The following MROH2A variants were observed in gnomAD, a reference collection of about 807,000 sequenced individuals.
MROH2A encodes the protein maestro heat like repeat family member 2A.
A neutral mutation model predicts 200.4 loss-of-function variants in MROH2A; 174 were observed. That is an observed-to-expected ratio of 0.87 (90% CI 0.77 to 0.98). The LOEUF (loss-of-function observed/expected upper bound fraction) is 0.98. Ranked by LOEUF, MROH2A falls within the 50% of genes least tolerant of loss-of-function variation. MROH2A has a pLI of 0.00. For synonymous variants in MROH2A, 829 were observed against 840.4 expected (o/e 0.99, Z 0.23); for missense variants, 2,045 against 2,139.6 (o/e 0.96, Z 0.87).
intron 39 of MROH2A, among the ~76,000 whole-genome samples, chr2:233,831,862 T>A (rs952343355): frequency 3.9e-5 from 6 of 152,258 alleles, no homozygotes; most frequent in Non-Finnish European, 5.9e-5. Context: ...TATTTTACAA[T>A]TTTTGGGGTA....
intron 21 of MROH2A, among the ~76,000 whole-genome samples, chr2:233,808,706 G>A (rs1361103425): frequency 1.1e-4 from 16 of 152,214 alleles, no homozygotes; most frequent in African/African-American, 3.6e-4. Flanking sequence ...TGTGAGCACC[G>A]TGAGGGCAAA....
At position 233,803,466 on chromosome 2, in the gene MROH2A, A is replaced by C. The variant is rs1399461980; in HGVS notation, c.1727A>C (p.Gln576Pro). The change falls in exon 16 of 42, where the codon CAG becomes CCG. Residue 576 changes from glutamine to proline, a missense_variant. Physicochemically the swap from Gln to Pro is moderately conservative, Grantham distance 76 (BLOSUM62 -1). Around this residue, in one of 3 missense-constraint regions of MROH2A, gnomAD observed 831 missense variants for 800.0 expected, o/e 1.04. Coordinates refer to ENST00000389758, the MANE Select transcript of MROH2A (RefSeq NM_001394639.1). ...CAATCAGTGGACCTGCCTGCACCTC[A>C]GAAGCTGCTGGCCCGTCTCCTGGTG... ...KSRQVDLPAP[Q>P]KLLARLLVLM... The C allele has an allele frequency of 1.3e-6, 2 of 1,550,516 alleles. No individual in the cohort carries two copies. The highest frequency in any genetic ancestry group is 2.7e-5 in the African/African-American group (2 of 73,160).
intron 14 of MROH2A, 66 bp from the exon 15 acceptor site, chr2:233,802,102 T>A: frequency 2.0e-6 from 3 of 1,473,830 alleles, no homozygotes; most frequent in Non-Finnish European, 2.7e-6. Context: ...AGAGCCTGAC[T>A]GTTCTCCTTA....
intron 35 of MROH2A, among the ~76,000 whole-genome samples, chr2:233,824,583 G>T (rs1287063426): frequency 6.6e-6 from 1 of 152,218 alleles, no homozygotes; most frequent in African/African-American, 2.4e-5. Flanking sequence ...GCTGGAATCC[G>T]AGGGCCTGGT....
In MROH2A at chr2:233,832,647, G is replaced by C. The variant is rs1406080089; in HGVS notation, c.4903+3G>C. The C allele has an allele frequency of 1.9e-6, 3 of 1,542,870 alleles. No homozygotes were observed. The South Asian group carries it at 3.6e-5, about 18-fold the overall frequency. The stretch of plus-strand genomic sequence containing the variant: ...GGACTTCCCAGCATTACGGAATTGT[G>C]AGTAGTGGAGAGTGTTAGATGTTGA... On this transcript the variant is annotated splice_donor_region_variant and intron_variant, in intron 41 of 41. Coordinates refer to ENST00000389758, the MANE Select transcript of MROH2A (RefSeq NM_001394639.1).
At chr2:233,792,961 G>A in intron 6 of MROH2A, 67 bp downstream of exon 6, 1 of 1,429,084 alleles carries the variant, frequency 7.0e-7, no homozygotes, top group South Asian at 1.2e-5. Context: ...TGCTGGGTAA[G>A]GAGCAGATGG....
intron 16 of MROH2A, among the ~76,000 whole-genome samples, chr2:233,803,723 T>C (rs1168553489): frequency 6.6e-6 from 1 of 152,172 alleles, no homozygotes; most frequent in East Asian, 1.9e-4. Context: ...TTTAGATTCC[T>C]CTGCCCAAAG....
intron 34 of MROH2A, 107 bp downstream of exon 34, chr2:233,823,125 C>A: frequency 8.1e-7 from 1 of 1,241,174 alleles, no homozygotes. Flanking sequence ...TGAAGGCCTT[C>A]TTTCTGGGGG....
rs1441530044 is a variant in MROH2A, at chr2:233,804,141, A to T, written c.1840A>T (p.Met614Leu). Residue 614 changes from methionine to leucine, a missense_variant, in exon 17 of 42, where the codon ATG becomes TTG. Met to Leu is a conservative substitution (Grantham distance 15, BLOSUM62 2). Coordinates refer to ENST00000389758, the MANE Select transcript of MROH2A (RefSeq NM_001394639.1). ...RTLSQSIAPS[M>L]ADMWELEIAL... is the part of the protein sequence containing the mutation. ...CCTGAGCCAGAGCATCGCACCCTCC[A>T]TGGCCGACATGTGGGAGCTGGAGAT... The T allele has an allele frequency of 6.4e-7, 1 of 1,550,436 alleles. No individual in the cohort carries two copies. Among genetic ancestry groups the T allele is most frequent in the African/African-American group, 1.4e-5 (1 of 73,012 alleles).
Position 233,796,214 on chromosome 2 carries a change from A to G in MROH2A, c.1153A>G (p.Lys385Glu). 2 of 1,549,922 alleles carry G rather than the reference A, an allele frequency of 1.3e-6. No homozygotes were observed. Residue 385 changes from lysine to glutamate, a missense_variant, in exon 11 of 42, where the codon AAG (lysine) becomes GAG (glutamate). Around this residue, in one of 3 missense-constraint regions of MROH2A, gnomAD observed 831 missense variants for 800.0 expected, o/e 1.04. Coordinates refer to ENST00000389758, the MANE Select transcript of MROH2A (RefSeq NM_001394639.1). ...CFVALARSYP[K>E]ELMKFFFSQM... The stretch of plus-strand genomic sequence containing the variant: ...CCACCCTGCAGCTCGCTCCTACCCC[A>G]AGGAGCTGATGAAGTTCTTCTTCAG...
At chr2:233,797,550 G>A (rs1032932321) in intron 11 of MROH2A, among the ~76,000 whole-genome samples, 2 of 152,084 alleles carry the variant, frequency 1.3e-5, no homozygotes, top group Non-Finnish European at 2.9e-5. Flanking sequence ...TACAACGTGG[G>A]GCAGTATTTA....
rs912154606 is a variant in MROH2A at position 233,814,585 on chromosome 2, C to T, written c.2764C>T (p.Leu922=). 1 of 1,549,994 alleles carries T rather than the reference C, an allele frequency of 6.5e-7. No homozygotes were observed. The highest frequency in any genetic ancestry group is 2.0e-5 in the Admixed American group (1 of 50,964). The change falls in exon 26 of 42, where the codon CTG becomes TTG. Residue 922 remains leucine (L), a synonymous_variant. Transcript: ENST00000389758. ...PGEDNESIKT[L]YANALSSLEQ... ...TCTCTCTCCCTCTTGGCTGTAGACCCTGTATGCAAATGCCCTGAGCTCCCT... is the reference window on the plus strand; with the variant it reads ...TCTCTCTCCCTCTTGGCTGTAGACCTTGTATGCAAATGCCCTGAGCTCCCT...
chr2:233,790,136 C>T (rs1179124636), intron 5 of MROH2A, 122 bp downstream of exon 5: 1 of 1,002,966 alleles, frequency 1.0e-6, no homozygotes, highest in Admixed American at 3.0e-5. Flanking sequence ...CTCTTTTTCC[C>T]TCTAAAATTG....
chr2:233,815,134 G>A (rs192398214), intron 26 of MROH2A, among the ~76,000 whole-genome samples: 1 of 152,302 alleles, frequency 6.6e-6, no homozygotes, highest in East Asian at 1.9e-4. Context: ...ATCCAGATTA[G>A]GCAGTGCATC....
At position 233,788,155 on chromosome 2, in the gene MROH2A, T is replaced by A. The variant is rs185686808; in HGVS notation, c.277-1342T>A. 8.1e-3 allele frequency among the ~76,000 whole-genome samples: 673 copies of A among 82,860 alleles called. 37 individuals carry two copies. The highest frequency in any genetic ancestry group is 0.029 in the African/African-American group (566 of 19,724). 54.4% of individuals were successfully genotyped at this position (82,860 alleles called of 152,430 possible). Reference sequence around the variant, plus strand: ...ATTTTATATATATATAATATATATTTTATATATACATATACATATATTATA... The same window carrying A: ...ATTTTATATATATATAATATATATTATATATATACATATACATATATTATA... On this transcript the variant is annotated intron_variant, in intron 3 of 41. Coordinates refer to ENST00000389758, the MANE Select transcript of MROH2A (RefSeq NM_001394639.1).
intron 35 of MROH2A, among the ~76,000 whole-genome samples, chr2:233,827,812 A>T (rs1284657490): frequency 6.6e-6 from 1 of 151,596 alleles, no homozygotes; most frequent in African/African-American, 2.4e-5. Flanking sequence ...ATTATAAATG[A>T]TTTTTTTTTA....
chr2:233,799,030 C>T (rs1035938434), intron 12 of MROH2A, among the ~76,000 whole-genome samples, 180 bp downstream of exon 12: 2 of 152,198 alleles, frequency 1.3e-5, no homozygotes, highest in Non-Finnish European at 2.9e-5. Context: ...CTCGAGACCT[C>T]ATTCTCTCCA....
chr2:233,830,765 T>A (rs1214376835), intron 38 of MROH2A, among the ~76,000 whole-genome samples: 1 of 152,168 alleles, frequency 6.6e-6, no homozygotes, highest in Admixed American at 6.5e-5. Context: ...GCCACATCCC[T>A]CTGCCACACC....
intron 33 of MROH2A, 147 bp downstream of exon 33, chr2:233,822,703 G>C: frequency 8.9e-7 from 1 of 1,129,424 alleles, no homozygotes; most frequent in Non-Finnish European, 1.3e-6. Context: ...GTTCTCATGT[G>C]TGTCAAGCAC....
Sources: gnomAD v4.1 joint callset for allele counts (sites outside exome capture counted in the v4.1 genomes callset) on GRCh38, gnomAD v4.1.1 for gene constraint, gnomAD v4.1.1 regional missense constraint, MANE v1.5 for transcripts, NCBI Gene and HGNC (gene_info 2026-07-23, HGNC 2026-07-21) for gene names.